IGSF11: variants seen among roughly 807,000 people sequenced by gnomAD.
IGSF11 encodes CXADR like 1.
A neutral mutation model predicts 41.0 loss-of-function variants in IGSF11; 22 were observed. The ratio of observed to expected loss-of-function variants is 0.54; its 90% CI spans 0.38 to 0.77. The LOEUF (loss-of-function observed/expected upper bound fraction) is 0.77. Among genes scored for constraint, IGSF11 ranks in the 30% least tolerant of loss-of-function variants. The pLI, the probability that IGSF11 is intolerant of heterozygous loss-of-function variation, is 0.00. For synonymous variants in IGSF11, 219 were observed against 201.3 expected (o/e 1.09, Z -0.74); for missense variants, 444 against 530.8 (o/e 0.84, Z 1.61).
At chr3:119,031,423 T>C (rs1013101162) in intron 1 of IGSF11, among the ~76,000 whole-genome samples, 1 of 152,202 alleles carries the variant, frequency 6.6e-6, no homozygotes, top group Non-Finnish European at 1.5e-5. Flanking sequence ...CACATCACCT[T>C]GTTTGACACT....
At chr3:119,051,263 T>G (rs1425878800) in intron 1 of IGSF11, among the ~76,000 whole-genome samples, 1 of 151,338 alleles carries the variant, frequency 6.6e-6, no homozygotes, top group African/African-American at 2.4e-5. Context: ...AAACTTAAGG[T>G]AAAGTGGTAG....
chr3:119,057,694 C>G (rs368558601), intron 1 of IGSF11, among the ~76,000 whole-genome samples: 5 of 152,110 alleles, frequency 3.3e-5, no homozygotes, highest in South Asian at 4.1e-4. Flanking sequence ...AACAAAGCTG[C>G]AGGCATCACG....
At position 119,042,231 on chromosome 3, in the gene IGSF11, G is replaced by A. The variant is rs181918255; in HGVS notation, c.49+62913C>T. The stretch of plus-strand genomic sequence containing the variant: ...TTATCTGACAGAGGTCCTTGGGGAA[G>A]AGAAGGCAGCCAGCAGAATCAGAGA... On this transcript the variant is annotated intron_variant, in intron 1 of 6. Coordinates refer to the IGSF11 transcript ENST00000354673. Among the ~76,000 whole-genome samples, 55 of 152,352 alleles carry A rather than the reference G, an allele frequency of 3.6e-4. No homozygotes were observed. The East Asian group carries it at 7.3e-3, about 20-fold the overall frequency.
chr3:119,130,223 C>A (rs1395243603), intron 1 of IGSF11, among the ~76,000 whole-genome samples: 1 of 152,100 alleles, frequency 6.6e-6, no homozygotes, highest in African/African-American at 2.4e-5. Context: ...TGGGTGCAGC[C>A]CACAGAGGGT....
At chr3:119,131,672 C>A (rs894118885) in intron 1 of IGSF11, among the ~76,000 whole-genome samples, 1 of 152,022 alleles carries the variant, frequency 6.6e-6, no homozygotes, top group Non-Finnish European at 1.5e-5. Flanking sequence ...CAAGGCAGGC[C>A]AACATTCAAA....
chr3:118,916,688 G>C (rs1381426011), intron 4 of IGSF11, among the ~76,000 whole-genome samples: 1 of 151,782 alleles, frequency 6.6e-6, no homozygotes, highest in Non-Finnish European at 1.5e-5. Flanking sequence ...GTCAACATTA[G>C]ACAGATCAAC....
intron 1 of IGSF11, among the ~76,000 whole-genome samples, chr3:119,097,957 ATTT>A (rs377746200): frequency 3.4e-4 from 20 of 58,358 alleles, no homozygotes; most frequent in South Asian, 2.2e-3. Flanking sequence ...CATTCAGCTA[ATTT>A]TTTTTTTTTT....
chr3:119,010,068 A>G (rs1404197767), intron 1 of IGSF11, among the ~76,000 whole-genome samples: 2 of 152,222 alleles, frequency 1.3e-5, no homozygotes, highest in Non-Finnish European at 2.9e-5. Flanking sequence ...ACAGATGAAA[A>G]AAGTAGAGAA....
At chr3:119,119,508 T>G (rs1400484358) in intron 1 of IGSF11, among the ~76,000 whole-genome samples, 2 of 152,128 alleles carry the variant, frequency 1.3e-5, no homozygotes, top group African/African-American at 2.4e-5. Context: ...GAGATTTGGG[T>G]GGGGACACAA....
intron 1 of IGSF11, among the ~76,000 whole-genome samples, chr3:119,008,510 G>A (rs745694370): frequency 6.6e-6 from 1 of 152,172 alleles, no homozygotes; most frequent in Non-Finnish European, 1.5e-5. Flanking sequence ...GAGAATCAGG[G>A]AAACAAGGAG....
intron 1 of IGSF11, among the ~76,000 whole-genome samples, chr3:119,130,275 A>G (rs1258433051): frequency 2.6e-5 from 4 of 152,180 alleles, no homozygotes; most frequent in Non-Finnish European, 4.4e-5. Context: ...CAGAAAGTGC[A>G]AAGGGTTGGG....
At chr3:119,125,492 A>G (rs1186997422) in intron 1 of IGSF11, among the ~76,000 whole-genome samples, 1 of 151,936 alleles carries the variant, frequency 6.6e-6, no homozygotes, top group Non-Finnish European at 1.5e-5. Flanking sequence ...AAGGGCGGGG[A>G]GGAATGTTAA....
chr3:119,013,449 TCTC>T (rs1938358371), intron 1 of IGSF11, among the ~76,000 whole-genome samples: 1 of 152,242 alleles, frequency 6.6e-6, no homozygotes, highest in Non-Finnish European at 1.5e-5. Context: ...CCCTTTTTGG[TCTC>T]CTCAACTTAA....
chr3:118,932,768 C>T (rs2107539074), intron 1 of IGSF11, among the ~76,000 whole-genome samples: 1 of 152,282 alleles, frequency 6.6e-6, no homozygotes, highest in East Asian at 1.9e-4. Context: ...GGAAGCCAAA[C>T]TGGTGCCGAA....
chr3:119,044,147 G>C (rs946747885), intron 1 of IGSF11, among the ~76,000 whole-genome samples: 5 of 151,970 alleles, frequency 3.3e-5, no homozygotes, highest in African/African-American at 1.2e-4. Context: ...ACAACTTAAA[G>C]AAACCTAAAA....
chr3:119,067,617 C>T (rs1402261280), intron 1 of IGSF11, among the ~76,000 whole-genome samples: 1 of 151,988 alleles, frequency 6.6e-6, no homozygotes, highest in Non-Finnish European at 1.5e-5. Context: ...GACTAACGTA[C>T]TGTGGGGAAA....
In IGSF11 at chr3:118,945,223, G is replaced by A. The variant is rs112419259; in HGVS notation, c.53-14948C>T. On this transcript the variant is annotated intron_variant, in intron 1 of 6. Transcript: ENST00000393775. ...CAGGGAAAAAAAACCAGAAAACAGA[G>A]GAAAGAAAATAGCATGTATTCACCT... 8.5e-3 allele frequency among the ~76,000 whole-genome samples: 1,294 copies of A among 152,078 alleles called. 24 individuals are homozygous for A. The highest frequency in any genetic ancestry group is 0.03 in the African/African-American group (1,239 of 41,452).
At chr3:119,005,416 C>T (rs1937396642) in intron 1 of IGSF11, among the ~76,000 whole-genome samples, 1 of 151,148 alleles carries the variant, frequency 6.6e-6, no homozygotes, top group Non-Finnish European at 1.5e-5. Context: ...ACTCTTTATC[C>T]AACTCGCCAG....
rs182316428 is a variant in IGSF11 at position 118,994,258 on chromosome 3, C to A, written c.52+40273G>T. 3.2e-4 allele frequency among the ~76,000 whole-genome samples: 49 copies of A among 152,304 alleles called. No homozygotes were observed. In the East Asian group the frequency reaches 8.9e-3, roughly 28 times the overall value. The stretch of plus-strand genomic sequence containing the variant: ...AAACATTATGAATTCCTAAGAATTA[C>A]CGAAGCCTAGCAGCACCTACTGCCA... On this transcript the variant is annotated intron_variant, in intron 1 of 6. Transcript: ENST00000393775.
Sources: allele counts gnomAD v4.1 joint callset (sites outside exome capture counted in the v4.1 genomes callset), GRCh38; gene constraint gnomAD v4.1.1; transcripts MANE v1.5; gene names NCBI Gene and HGNC (gene_info 2026-07-23, HGNC 2026-07-21).